GCNT1: variants seen among roughly 807,000 people sequenced by gnomAD.
GCNT1 encodes the protein glucosaminyl (N-acetyl) transferase 1.
GCNT1 carries 16 observed loss-of-function variants against 26.2 expected under a neutral mutation model. The ratio of observed to expected loss-of-function variants is 0.61; its 90% CI spans 0.41 to 0.93. GCNT1 has a LOEUF of 0.93. GCNT1 is among the 40% of genes least tolerant of loss of function. The pLI is 0.00. For synonymous variants in GCNT1, 183 were observed against 190.8 expected (o/e 0.96, Z 0.34); for missense variants, 477 against 526.7 (o/e 0.91, Z 0.92).
the GCNT1 span, among the ~76,000 whole-genome samples, chr9:76,402,213 C>A: frequency 0.017 from 2,546 of 152,264 alleles, 69 homozygotes; most frequent in African/African-American, 0.057. Context: ...CTCCCACTTG[C>A]TCTTAGCTTA....
chr9:76,463,390 A>G (rs1823918793), intron 2 of GCNT1, among the ~76,000 whole-genome samples: 1 of 152,234 alleles, frequency 6.6e-6, no homozygotes, highest in Non-Finnish European at 1.5e-5. Context: ...CTTTATTCAT[A>G]GCTAAGAGTA....
chr9:76,403,036 TAAAC>T, the GCNT1 span, among the ~76,000 whole-genome samples: 2 of 152,192 alleles, frequency 1.3e-5, no homozygotes, highest in Non-Finnish European at 2.9e-5. Context: ...GTAGTACTAA[TAAAC>T]AATTCTTATA....
Position 76,472,172 on chromosome 9 carries a change from G to A in GCNT1, c.-290+11995G>A, listed in dbSNP as rs541519482. 2.6e-5 allele frequency among the ~76,000 whole-genome samples: 4 copies of A among 152,310 alleles called. No homozygotes were observed. The South Asian group carries it at 8.3e-4, about 32-fold the overall frequency. On this transcript the variant is annotated intron_variant, in intron 2 of 3. Transcript: ENST00000376730. ...TTCGCCTGTAATCCCAGCTACTCAGGAGGCTGAGGTGGGAGAATCACTTGA... is the reference window on the plus strand; with the variant it reads ...TTCGCCTGTAATCCCAGCTACTCAGAAGGCTGAGGTGGGAGAATCACTTGA...
chr9:76,478,172 T>C (rs1270375615), intron 2 of GCNT1, among the ~76,000 whole-genome samples: 1 of 152,172 alleles, frequency 6.6e-6, no homozygotes, highest in Non-Finnish European at 1.5e-5. Context: ...GGCAACCTGC[T>C]CAGGTATCCT....
chr9:76,440,841 G>A (rs1429696359), upstream of GCNT1, among the ~76,000 whole-genome samples: 3 of 151,876 alleles, frequency 2.0e-5, no homozygotes, highest in Non-Finnish European at 2.9e-5. Flanking sequence ...TGAGGCGGGT[G>A]GATCACAAGG....
intron 2 of GCNT1, among the ~76,000 whole-genome samples, chr9:76,477,651 A>G (rs1297747967): frequency 2.0e-5 from 3 of 152,038 alleles, no homozygotes; most frequent in African/African-American, 4.8e-5. Flanking sequence ...GAGACTGAAA[A>G]CTCCCAAGGT....
At chr9:76,450,288 G>A (rs1823643876) in intron 1 of GCNT1, among the ~76,000 whole-genome samples, 1 of 152,048 alleles carries the variant, frequency 6.6e-6, no homozygotes, top group Non-Finnish European at 1.5e-5. Flanking sequence ...TTCCCTTATA[G>A]CATATGCGTA....
At chr9:76,467,778 G>T (rs1824035118) in intron 2 of GCNT1, among the ~76,000 whole-genome samples, 1 of 151,936 alleles carries the variant, frequency 6.6e-6, no homozygotes, top group Non-Finnish European at 1.5e-5. Flanking sequence ...GATTATATTG[G>T]TATCCAAAGC....
intron 2 of GCNT1, among the ~76,000 whole-genome samples, chr9:76,471,902 G>T (rs1454454133): frequency 6.6e-6 from 1 of 152,102 alleles, no homozygotes; most frequent in Admixed American, 6.5e-5. Flanking sequence ...GAGTGCAGTG[G>T]CATGATCACA....
At chr9:76,417,758 C>T (rs970058905), upstream of GCNT1, among the ~76,000 whole-genome samples, 3 of 152,128 alleles carry the variant, frequency 2.0e-5, no homozygotes, top group Non-Finnish European at 2.9e-5. Flanking sequence ...ATTTTCATAT[C>T]ACTTTTGTAG....
At chr9:76,442,572 T>C (rs961496710) in intron 1 of GCNT1, among the ~76,000 whole-genome samples, 3 of 152,040 alleles carry the variant, frequency 2.0e-5, no homozygotes, top group Non-Finnish European at 4.4e-5. Flanking sequence ...TCCCAGCTAC[T>C]TGGGAGGCTG....
At chr9:76,445,852 G>A (rs1166824350) in intron 1 of GCNT1, among the ~76,000 whole-genome samples, 2 of 86,326 alleles carry the variant, frequency 2.3e-5, no homozygotes, top group Admixed American at 1.0e-4. Flanking sequence ...ACATGGTGGT[G>A]TGTGCCTGTT....
chr9:76,427,787 G>A (rs1823276421), intron 1 of GCNT1, among the ~76,000 whole-genome samples: 1 of 152,128 alleles, frequency 6.6e-6, no homozygotes, highest in African/African-American at 2.4e-5. Context: ...AGGAGTTCGA[G>A]ACCACCCTGG....
intron 2 of GCNT1, among the ~76,000 whole-genome samples, chr9:76,462,089 TCTGA>T (rs1399419753): frequency 2.0e-5 from 3 of 152,170 alleles, no homozygotes; most frequent in Non-Finnish European, 2.9e-5. Flanking sequence ...AATGATCCCT[TCTGA>T]CTGTCAAATT....
At chr9:76,436,333 G>A (rs923525719) in intron 1 of GCNT1, among the ~76,000 whole-genome samples, 4 of 151,954 alleles carry the variant, frequency 2.6e-5, no homozygotes, top group African/African-American at 9.7e-5. Context: ...TGCTTAGAAA[G>A]TCACAATGCC....
At position 76,430,562 on chromosome 9, in the gene GCNT1, T is replaced by A. The variant is rs560179504; in HGVS notation, n.38+10675T>A. Among the ~76,000 whole-genome samples, 102 of 151,844 alleles carry A rather than the reference T, an allele frequency of 6.7e-4. 1 individual carries two copies. The highest frequency in any genetic ancestry group is 2.5e-3 in the African/African-American group (102 of 41,468). On this transcript the variant is annotated intron_variant and non_coding_transcript_variant, in intron 1 of 3. Coordinates refer to the GCNT1 transcript ENST00000488136. ...ATGTTCGACTAATTTTTTTTTTTTA[T>A]TTTGGTAGAAATGAGGTCTCACTAT... is the stretch of plus-strand genomic sequence containing the variant.
At chr9:76,472,249 C>T (rs1435475002) in intron 2 of GCNT1, among the ~76,000 whole-genome samples, 3 of 152,174 alleles carry the variant, frequency 2.0e-5, no homozygotes, top group African/African-American at 7.2e-5. Flanking sequence ...CACCTCTGTA[C>T]TTCAGCCTGG....
At chr9:76,487,758 G>A (rs1469244204) in intron 2 of GCNT1, among the ~76,000 whole-genome samples, 1 of 152,110 alleles carries the variant, frequency 6.6e-6, no homozygotes, top group Non-Finnish European at 1.5e-5. Flanking sequence ...ATTTGAGACA[G>A]GGTCTCACTC....
At chr9:76,446,890 C>T (rs1298208924) in intron 1 of GCNT1, among the ~76,000 whole-genome samples, 2 of 152,098 alleles carry the variant, frequency 1.3e-5, no homozygotes, top group African/African-American at 4.8e-5. Context: ...CACAGTGGCT[C>T]ATGCCTGTAA....
Sources: allele counts gnomAD v4.1 joint callset (sites outside exome capture counted in the v4.1 genomes callset), GRCh38; gene constraint gnomAD v4.1.1; transcripts MANE v1.5; gene names NCBI Gene and HGNC (gene_info 2026-07-23, HGNC 2026-07-21).